MACROD2: variants seen among roughly 807,000 people sequenced by gnomAD.
MACROD2 encodes the protein ADP-ribose glycohydrolase MACROD2.
In MACROD2, 36 loss-of-function variants were observed where a neutral mutation model predicts 70.4. That is an observed-to-expected ratio of 0.51 (90% CI 0.39 to 0.68). The LOEUF (loss-of-function observed/expected upper bound fraction) is 0.68. Among genes scored for constraint, MACROD2 ranks in the 30% least tolerant of loss-of-function variants. The pLI is 0.00. For missense variants in MACROD2, 496 were observed against 538.4 expected, an observed-to-expected ratio of 0.92 and a Z score of 0.78; for synonymous variants, 172 against 178.8, an observed-to-expected ratio of 0.96 and a Z score of 0.30.
intron 3 of MACROD2, among the ~76,000 whole-genome samples, chr20:14,238,445 A>T (rs1006735374): frequency 6.6e-6 from 1 of 152,168 alleles, no homozygotes; most frequent in Non-Finnish European, 1.5e-5. Flanking sequence ...ACCCACAAAC[A>T]ACATTTTACT....
chr20:15,964,468 G>A (rs890790239), intron 12 of MACROD2, among the ~76,000 whole-genome samples: 2 of 152,072 alleles, frequency 1.3e-5, no homozygotes, highest in Admixed American at 6.6e-5. Flanking sequence ...CATTCATGAA[G>A]CCTCCACCTT....
chr20:15,028,596 C>T (rs2075251058), intron 5 of MACROD2, among the ~76,000 whole-genome samples: 1 of 152,132 alleles, frequency 6.6e-6, no homozygotes, highest in Admixed American at 6.5e-5. Context: ...GTTTGGGCTA[C>T]CTGCTGTGAC....
chr20:15,710,629 G>A (rs1404559583), intron 8 of MACROD2, among the ~76,000 whole-genome samples: 1 of 152,150 alleles, frequency 6.6e-6, no homozygotes, highest in African/African-American at 2.4e-5. Context: ...TTCCATTAAA[G>A]GAAACCCTGT....
At chr20:14,484,074 A>G (rs531624022) in intron 3 of MACROD2, among the ~76,000 whole-genome samples, 4 of 152,178 alleles carry the variant, frequency 2.6e-5, no homozygotes, top group African/African-American at 9.6e-5. Context: ...CTCATCTAAC[A>G]TACCAAAACA....
intron 5 of MACROD2, among the ~76,000 whole-genome samples, chr20:14,700,856 A>G (rs780084224): frequency 6.6e-6 from 1 of 152,114 alleles, no homozygotes; most frequent in Non-Finnish European, 1.5e-5. Context: ...GGCTCACCAG[A>G]GTAATCTCTC....
At chr20:15,751,283 A>G (rs2051265092) in intron 8 of MACROD2, among the ~76,000 whole-genome samples, 1 of 152,084 alleles carries the variant, frequency 6.6e-6, no homozygotes, top group African/African-American at 2.4e-5. Flanking sequence ...TCAATTTGAA[A>G]ACAAAATAAA....
intron 6 of MACROD2, among the ~76,000 whole-genome samples, chr20:15,312,239 C>CT (rs1281675912): frequency 2.6e-5 from 4 of 152,292 alleles, no homozygotes; most frequent in Admixed American, 6.5e-5. Context: ...CACACTCACA[C>CT]TTTTGAGAAG....
intron 8 of MACROD2, among the ~76,000 whole-genome samples, chr20:15,601,916 T>A (rs1003403800): frequency 6.6e-5 from 10 of 152,006 alleles, no homozygotes; most frequent in Non-Finnish European, 1.0e-4. Context: ...TAATCCCAGC[T>A]ACTCGGGAGG....
At chr20:14,568,658 T>A (rs1979968939) in intron 4 of MACROD2, among the ~76,000 whole-genome samples, 1 of 152,094 alleles carries the variant, frequency 6.6e-6, no homozygotes, top group Non-Finnish European at 1.5e-5. Flanking sequence ...TGGGTTTGTG[T>A]TATGTAAACC....
chr20:14,570,672 A>T (rs1038404732), intron 4 of MACROD2, among the ~76,000 whole-genome samples: 1 of 152,022 alleles, frequency 6.6e-6, no homozygotes, highest in Non-Finnish European at 1.5e-5. Context: ...AATAAAATGC[A>T]TGCTAGTTAT....
chr20:15,082,775 C>CT (rs778732882), intron 5 of MACROD2, among the ~76,000 whole-genome samples: 13 of 151,898 alleles, frequency 8.6e-5, no homozygotes, highest in Non-Finnish European at 1.5e-4. Flanking sequence ...TGTGACATTT[C>CT]TTTTCTGTTC....
At chr20:15,173,479 G>A (rs976969198) in intron 5 of MACROD2, among the ~76,000 whole-genome samples, 5 of 152,058 alleles carry the variant, frequency 3.3e-5, no homozygotes, top group Admixed American at 3.3e-4. Flanking sequence ...TTGGCAAATC[G>A]AAGGAATGTC....
At chr20:15,834,800 A>G (rs1244078119) in intron 8 of MACROD2, among the ~76,000 whole-genome samples, 3 of 152,150 alleles carry the variant, frequency 2.0e-5, no homozygotes, top group Non-Finnish European at 2.9e-5. Flanking sequence ...TGTTAGTTAA[A>G]CATTTTGTGG....
chr20:14,156,959 A>G (rs994693617), intron 3 of MACROD2, among the ~76,000 whole-genome samples: 1 of 152,200 alleles, frequency 6.6e-6, no homozygotes, highest in Non-Finnish European at 1.5e-5. Context: ...CATTACCAGG[A>G]GTTTACCATT....
At chr20:15,475,792 G>A (rs1433887889) in intron 7 of MACROD2, among the ~76,000 whole-genome samples, 2 of 152,184 alleles carry the variant, frequency 1.3e-5, no homozygotes, top group Admixed American at 6.5e-5. Flanking sequence ...CTGCAGGCTT[G>A]CCCAGAAAGT....
intron 7 of MACROD2, among the ~76,000 whole-genome samples, chr20:15,475,346 T>A (rs527355292): frequency 6.6e-6 from 1 of 152,326 alleles, no homozygotes. Flanking sequence ...GGATGATGAA[T>A]CTGCAAGAAA....
intron 5 of MACROD2, among the ~76,000 whole-genome samples, chr20:14,693,685 G>A (rs565280054): frequency 6.6e-6 from 1 of 152,170 alleles, no homozygotes. Context: ...ATTATAGAAT[G>A]TAAGATTGAT....
intron 2 of MACROD2, among the ~76,000 whole-genome samples, chr20:14,030,049 G>A (rs2053227591): frequency 6.6e-6 from 1 of 152,094 alleles, no homozygotes; most frequent in African/African-American, 2.4e-5. Context: ...GCAAAGTATT[G>A]TAACCTGATT....
intron 8 of MACROD2, among the ~76,000 whole-genome samples, chr20:15,626,243 G>A (rs2049201129): frequency 1.3e-5 from 2 of 151,880 alleles, no homozygotes; most frequent in Admixed American, 1.3e-4. Flanking sequence ...AGAAAAAAAT[G>A]AGATTATTCT....
Sources: allele counts gnomAD v4.1 joint callset (sites outside exome capture counted in the v4.1 genomes callset), GRCh38; gene constraint gnomAD v4.1.1; transcripts MANE v1.5; gene names NCBI Gene and HGNC (gene_info 2026-07-23, HGNC 2026-07-21).